TFDP2: variants seen among roughly 807,000 people sequenced by gnomAD.
TFDP2 encodes the protein transcription factor Dp-2 (E2F dimerization partner 2).
In TFDP2, 17 loss-of-function variants were observed where a neutral mutation model predicts 59.3. The observed-to-expected ratio is 0.29, with a 90% CI of 0.20 to 0.43. The LOEUF is 0.43. TFDP2 is among the 20% of genes least tolerant of loss of function. The pLI, the probability that TFDP2 is intolerant of heterozygous loss-of-function variation, is 1.00. For missense variants in TFDP2, 391 were observed against 528.8 expected (o/e 0.74, Z 2.56); for synonymous variants, 180 against 194.7 (o/e 0.92, Z 0.63).
intron 1 of TFDP2, among the ~76,000 whole-genome samples, chr3:142,142,754 C>T (rs190541807): frequency 3.5e-4 from 53 of 152,340 alleles, no homozygotes; most frequent in Middle Eastern, 6.8e-3. Context: ...TAAAAACAGA[C>T]ACACAGACCA....
chr3:142,086,593 G>C (rs144814647), intron 3 of TFDP2, among the ~76,000 whole-genome samples: 3 of 152,214 alleles, frequency 2.0e-5, no homozygotes, highest in Non-Finnish European at 4.4e-5. Context: ...ATAGGGCAAG[G>C]TATGGAAGGG....
chr3:141,967,435 G>A (rs1427820225), intron 9 of TFDP2, among the ~76,000 whole-genome samples: 1 of 150,994 alleles, frequency 6.6e-6, no homozygotes, highest in African/African-American at 2.4e-5. Flanking sequence ...TGAGATTACA[G>A]GCATGCGCCA....
At chr3:142,068,268 T>C (rs2060136202) in intron 3 of TFDP2, among the ~76,000 whole-genome samples, 1 of 152,064 alleles carries the variant, frequency 6.6e-6, no homozygotes. Context: ...ATACCTGTCA[T>C]AAAAATCCAA....
At chr3:141,971,540 T>G (rs1939759501) in intron 8 of TFDP2, among the ~76,000 whole-genome samples, 1 of 151,278 alleles carries the variant, frequency 6.6e-6, no homozygotes, top group Admixed American at 6.6e-5. Context: ...ACAGAGCAAG[T>G]CTCCAACTCA....
intron 3 of TFDP2, among the ~76,000 whole-genome samples, chr3:142,024,605 G>A (rs1041299614): frequency 2.0e-5 from 3 of 152,082 alleles, no homozygotes; most frequent in Non-Finnish European, 4.4e-5. Flanking sequence ...ATTCTGAATC[G>A]GGTTACAATA....
At chr3:142,070,826 A>G (rs190202061) in intron 3 of TFDP2, among the ~76,000 whole-genome samples, 60 of 152,342 alleles carry the variant, frequency 3.9e-4, no homozygotes, top group Middle Eastern at 3.4e-3. Flanking sequence ...TGCTCCTGGT[A>G]CATCATTGGC....
intron 6 of TFDP2, among the ~76,000 whole-genome samples, chr3:141,981,489 C>A (rs977930852): frequency 3.3e-5 from 5 of 152,040 alleles, no homozygotes; most frequent in South Asian, 2.1e-4. Flanking sequence ...ACTAAACATG[C>A]AGTTTTAAAA....
At chr3:142,143,671 C>T (rs973469225) in intron 1 of TFDP2, among the ~76,000 whole-genome samples, 8 of 152,152 alleles carry the variant, frequency 5.3e-5, no homozygotes, top group African/African-American at 1.7e-4. Context: ...TGCTGATCAT[C>T]GAAGAAATGC....
intron 3 of TFDP2, among the ~76,000 whole-genome samples, chr3:142,010,792 C>T (rs1944609362): frequency 6.9e-6 from 1 of 145,222 alleles, no homozygotes; most frequent in South Asian, 2.2e-4. Flanking sequence ...CATGAACAGA[C>T]ACTTCTCAAA....
At chr3:141,978,039 A>G (rs1198159789) in intron 7 of TFDP2, among the ~76,000 whole-genome samples, 1 of 149,888 alleles carries the variant, frequency 6.7e-6, no homozygotes, top group East Asian at 1.9e-4. Flanking sequence ...AAAAAAAACA[A>G]AAAAAAACAA....
chr3:142,029,343 CTT>C (rs200891038), intron 3 of TFDP2, among the ~76,000 whole-genome samples: 1 of 143,008 alleles, frequency 7.0e-6, no homozygotes, highest in Non-Finnish European at 1.5e-5. Context: ...CTTAGTTGTG[CTT>C]TTTTTTTTTT....
At chr3:141,993,261 C>G (rs1433499413) in intron 6 of TFDP2, among the ~76,000 whole-genome samples, 1 of 151,830 alleles carries the variant, frequency 6.6e-6, no homozygotes, top group Non-Finnish European at 1.5e-5. Flanking sequence ...GTGGAGTATT[C>G]ACTTTGATAG....
chr3:142,084,290 C>T (rs1324137149), intron 3 of TFDP2, among the ~76,000 whole-genome samples: 1 of 152,132 alleles, frequency 6.6e-6, no homozygotes, highest in African/African-American at 2.4e-5. Flanking sequence ...CATCTCACCC[C>T]AGCTAAAATG....
intron 1 of TFDP2, 150 bp downstream of exon 1, chr3:142,149,033 C>G: frequency 2.5e-6 from 1 of 392,264 alleles, no homozygotes; most frequent in Non-Finnish European, 4.5e-6. Flanking sequence ...GTTACCCGGC[C>G]AGGCCTGGAG....
chr3:142,094,124 GA>G (rs557368020), intron 2 of TFDP2, among the ~76,000 whole-genome samples: 2 of 151,474 alleles, frequency 1.3e-5, no homozygotes, highest in South Asian at 2.1e-4. Flanking sequence ...AAGCCTGGAG[GA>G]AAAAAAACCC....
At chr3:142,088,386 G>A (rs1163689294) in intron 3 of TFDP2, among the ~76,000 whole-genome samples, 6 of 148,300 alleles carry the variant, frequency 4.0e-5, no homozygotes, top group Non-Finnish European at 7.5e-5. Flanking sequence ...GCTGGAGTGC[G>A]GTGGCGTGAT....
At chr3:142,131,508 A>G (rs972382883) in intron 1 of TFDP2, among the ~76,000 whole-genome samples, 7 of 150,178 alleles carry the variant, frequency 4.7e-5, no homozygotes, top group African/African-American at 1.8e-4. Context: ...CCTGTCTACC[A>G]AAGAATTATC....
chr3:142,091,566 C>CAA (rs60396286), intron 3 of TFDP2, among the ~76,000 whole-genome samples: 105 of 150,238 alleles, frequency 7.0e-4, no homozygotes, highest in African/African-American at 2.3e-3. Flanking sequence ...ACTCTGCCAC[C>CAA]AAAAAAAAAA....
At chr3:142,108,986 G>A (rs1162364018) in intron 1 of TFDP2, among the ~76,000 whole-genome samples, 1 of 152,164 alleles carries the variant, frequency 6.6e-6, no homozygotes, top group Non-Finnish European at 1.5e-5. Context: ...GTCTAGGTAA[G>A]GGGTATCAAC....
Sources: allele counts gnomAD v4.1 joint callset (sites outside exome capture counted in the v4.1 genomes callset), GRCh38; gene constraint gnomAD v4.1.1; transcripts MANE v1.5; gene names NCBI Gene and HGNC (gene_info 2026-07-23, HGNC 2026-07-21).